Variants in SHROOM3 observed in about 807,000 individuals in gnomAD.
SHROOM3 encodes the protein protein Shroom3.
In SHROOM3, 47 loss-of-function variants were observed where a neutral mutation model predicts 138.6. The ratio of observed to expected loss-of-function variants is 0.34; its 90% CI spans 0.27 to 0.43. The LOEUF (loss-of-function observed/expected upper bound fraction) is 0.43, where lower values mean the gene tolerates loss of function less well. Ranked by LOEUF, SHROOM3 falls within the 20% of genes least tolerant of loss-of-function variation. SHROOM3 has a pLI of 1.00. For synonymous variants in SHROOM3, 1,062 were observed against 1,063.3 expected (o/e 1.00, Z 0.02); for missense variants, 2,491 against 2,596.5 (o/e 0.96, Z 0.88).
At chr4:76,651,646 T>C (rs1577952691) in intron 2 of SHROOM3, among the ~76,000 whole-genome samples, 1 of 151,960 alleles carries the variant, frequency 6.6e-6, no homozygotes, top group East Asian at 1.9e-4. Flanking sequence ...TGGCAAGCAG[T>C]CAGGAAACCT....
intron 1 of SHROOM3, among the ~76,000 whole-genome samples, chr4:76,506,127 G>A (rs1215534707): frequency 6.6e-6 from 1 of 151,604 alleles, no homozygotes; most frequent in Non-Finnish European, 1.5e-5. Flanking sequence ...CACAAGAACA[G>A]AAAACCAAAC....
At chr4:76,568,470 G>C (rs1405164749) in intron 2 of SHROOM3, among the ~76,000 whole-genome samples, 1 of 152,168 alleles carries the variant, frequency 6.6e-6, no homozygotes, top group Non-Finnish European at 1.5e-5. Flanking sequence ...ATGGTCAATA[G>C]TTTCATCACT....
intron 2 of SHROOM3, among the ~76,000 whole-genome samples, chr4:76,609,882 C>T (rs1734725919): frequency 2.0e-5 from 3 of 152,152 alleles, no homozygotes; most frequent in African/African-American, 7.2e-5. Flanking sequence ...GAACTGTGAA[C>T]ATCTTATTAG....
At chr4:76,757,823 A>C (rs1415506177) in intron 8 of SHROOM3, among the ~76,000 whole-genome samples, 1 of 152,216 alleles carries the variant, frequency 6.6e-6, no homozygotes, top group East Asian at 1.9e-4. Flanking sequence ...TATGAGAAAG[A>C]CTGAGTAGCT....
At chr4:76,774,696 A>G (rs900356375) in intron 10 of SHROOM3, among the ~76,000 whole-genome samples, 4 of 145,718 alleles carry the variant, frequency 2.7e-5, no homozygotes, top group African/African-American at 1.0e-4. Context: ...TCAGTCCCTC[A>G]GGGTTTTTTG....
At chr4:76,706,289 A>G (rs1720048075) in intron 2 of SHROOM3, among the ~76,000 whole-genome samples, 1 of 151,708 alleles carries the variant, frequency 6.6e-6, no homozygotes. Flanking sequence ...TAATTTTTGT[A>G]TTTTTAGTAG....
Position 76,664,565 on chromosome 4 carries a change from G to T in SHROOM3, c.324-45591G>T, listed in dbSNP as rs1020474591. ...ATTCATCCCCAGAAATTCTGATTCA[G>T]TTGGTTTGAGGTTGGTCCTGGGCCT... On this transcript the variant is annotated intron_variant, in intron 2 of 10. Transcript: ENST00000296043. This position sits in a 1 kb window ranked among gnomAD's most constrained non-coding sequence, Gnocchi z 4.2. Among the ~76,000 whole-genome samples the T allele has an allele frequency of 1.3e-5, 2 of 152,190 alleles. No homozygotes were observed. The highest frequency in any genetic ancestry group is 4.8e-5 in the African/African-American group (2 of 41,438).
chr4:76,494,212 T>C (rs1731918233), intron 1 of SHROOM3, among the ~76,000 whole-genome samples: 1 of 151,740 alleles, frequency 6.6e-6, no homozygotes, highest in Non-Finnish European at 1.5e-5. Flanking sequence ...AGAAAAATGA[T>C]TGCCAAATTT....
At chr4:76,639,883 C>T (rs1306927083) in intron 2 of SHROOM3, among the ~76,000 whole-genome samples, 1 of 152,152 alleles carries the variant, frequency 6.6e-6, no homozygotes, top group African/African-American at 2.4e-5. Context: ...CTTATTTCTG[C>T]AAACTTCTTT....
At chr4:76,631,353 G>A (rs1735317297) in intron 2 of SHROOM3, among the ~76,000 whole-genome samples, 1 of 151,810 alleles carries the variant, frequency 6.6e-6, no homozygotes, top group South Asian at 2.1e-4. Flanking sequence ...GATTACAGGT[G>A]CCTGCCACCA....
At position 76,771,633 on chromosome 4, in the gene SHROOM3, G is replaced by A. The variant is rs545762839; in HGVS notation, c.5622+735G>A. Among the ~76,000 whole-genome samples the A allele has an allele frequency of 5.3e-5, 8 of 152,290 alleles. No individual in the cohort carries two copies. The East Asian group carries it at 1.5e-3, about 29-fold the overall frequency. On this transcript the variant is annotated intron_variant, in intron 10 of 10. Coordinates refer to ENST00000296043, the MANE Select transcript of SHROOM3 (RefSeq NM_020859.4). ...CTCCACTGCACCCCCTCCTCGAAGG[G>A]AGGGTACAGGGGGACAGGTAACAGT... is the stretch of plus-strand genomic sequence containing the variant.
At chr4:76,690,206 A>G (rs1447637231) in intron 2 of SHROOM3, among the ~76,000 whole-genome samples, 2 of 152,156 alleles carry the variant, frequency 1.3e-5, no homozygotes, top group Non-Finnish European at 2.9e-5. Flanking sequence ...CACTTAAATC[A>G]TGAAAATGAA....
At chr4:76,671,410 G>A (rs907378274) in intron 2 of SHROOM3, among the ~76,000 whole-genome samples, 3 of 152,198 alleles carry the variant, frequency 2.0e-5, no homozygotes, top group African/African-American at 7.2e-5. Flanking sequence ...GGACTTGACT[G>A]TAGCTGTGTA....
chr4:76,633,672 A>G (rs995472606), intron 2 of SHROOM3, among the ~76,000 whole-genome samples: 5 of 148,300 alleles, frequency 3.4e-5, no homozygotes, highest in African/African-American at 1.3e-4. Flanking sequence ...AAAAAAAAAA[A>G]AAAAAAGAAA....
chr4:76,697,759 A>G (rs1029566123), intron 2 of SHROOM3, among the ~76,000 whole-genome samples: 8 of 152,326 alleles, frequency 5.3e-5, no homozygotes, highest in Non-Finnish European at 8.8e-5. Flanking sequence ...ATGTTTTTAA[A>G]TGTTTTGAGA....
chr4:76,617,430 T>A (rs1734905666), intron 2 of SHROOM3, among the ~76,000 whole-genome samples: 1 of 152,260 alleles, frequency 6.6e-6, no homozygotes, highest in South Asian at 2.1e-4. Flanking sequence ...GTTTGAATGA[T>A]ATATAATGCT....
At chr4:76,580,154 C>T (rs1459817595) in intron 2 of SHROOM3, among the ~76,000 whole-genome samples, 1 of 152,238 alleles carries the variant, frequency 6.6e-6, no homozygotes, top group Admixed American at 6.5e-5. Context: ...ACCAAATTAT[C>T]ATCAGGCTAA....
At chr4:76,516,804 C>T (rs899038865) in intron 1 of SHROOM3, among the ~76,000 whole-genome samples, 1 of 152,092 alleles carries the variant, frequency 6.6e-6, no homozygotes, top group Non-Finnish European at 1.5e-5. Context: ...CCAATCCCAC[C>T]CCAAGTCTCA....
intron 2 of SHROOM3, among the ~76,000 whole-genome samples, chr4:76,640,256 T>C (rs1035316444): frequency 2.0e-5 from 3 of 152,248 alleles, no homozygotes; most frequent in African/African-American, 7.2e-5. Context: ...GATTTCTGCA[T>C]CTTTAAGCAT....
Sources: gnomAD v4.1 joint callset for allele counts (sites outside exome capture counted in the v4.1 genomes callset) on GRCh38, gnomAD v4.1.1 for gene constraint, Gnocchi (gnomAD v3.1) non-coding constraint, MANE v1.5 for transcripts, NCBI Gene and HGNC (gene_info 2026-07-23, HGNC 2026-07-21) for gene names.